SPECC1: variants seen among roughly 807,000 people sequenced by gnomAD.
SPECC1 encodes sperm antigen with calponin homology and coiled-coil domains 1, also known as cytospin-B.
In SPECC1, 62 loss-of-function variants were observed where a neutral mutation model predicts 104.1. The observed-to-expected ratio is 0.60, with a 90% confidence interval of 0.49 to 0.74. The LOEUF (loss-of-function observed/expected upper bound fraction) is 0.74. SPECC1 is among the 30% of genes least tolerant of loss of function. The pLI is 0.00. For missense variants in SPECC1, 1,306 were observed against 1,310.5 expected (o/e 1.00, Z 0.05); for synonymous variants, 513 against 501.6 (o/e 1.02, Z -0.30).
In SPECC1 at chr17:20,141,666, C is replaced by T. The variant is rs572288691; in HGVS notation, c.283+31104C>T. The stretch of plus-strand genomic sequence containing the variant: ...ACCGCAGATGAGTTTTAAGATATTC[C>T]TGTCACTCCAGAAATACCCCATGCT... On this transcript the variant is annotated intron_variant, in intron 3 of 14. Transcript: ENST00000395527. Among the ~76,000 whole-genome samples, 4 of 152,210 alleles carry T rather than the reference C, an allele frequency of 2.6e-5. No individual in the cohort carries two copies. In the South Asian group the frequency reaches 8.3e-4, roughly 32 times the overall value.
At chr17:20,191,650 C>A (rs574451430) in intron 3 of SPECC1, among the ~76,000 whole-genome samples, 2 of 152,124 alleles carry the variant, frequency 1.3e-5, no homozygotes, top group South Asian at 4.2e-4. Context: ...CTTCCCTAGC[C>A]CCCCCACCCA....
At chr17:20,231,963 T>C in intron 6 of SPECC1, 132 bp downstream of exon 6, 5 of 1,021,358 alleles carry the variant, frequency 4.9e-6, no homozygotes, top group Non-Finnish European at 7.3e-6. Flanking sequence ...CTGTAAATTC[T>C]TGTTGGCAGG....
intron 1 of SPECC1, among the ~76,000 whole-genome samples, chr17:20,079,908 C>G (rs1392192133): frequency 6.6e-6 from 1 of 152,164 alleles, no homozygotes; most frequent in Non-Finnish European, 1.5e-5. Context: ...CTGAGGAGAG[C>G]CTGCATCGCT....
Position 20,086,698 on chromosome 17 carries a change from C to T in SPECC1, c.-21-9933C>T, listed in dbSNP as rs148151819. 1.6e-3 allele frequency among the ~76,000 whole-genome samples: 243 copies of T among 152,224 alleles called. 2 individuals carry two copies. Among genetic ancestry groups the T allele is most frequent in the African/African-American group, 5.5e-3 (229 of 41,548 alleles). On this transcript the variant is annotated intron_variant, in intron 1 of 14. Coordinates refer to ENST00000395527, the MANE Select transcript of SPECC1 (RefSeq NM_001243439.2). ...AGGGGCAGTGGACGTGGTGAGGGGC[C>T]AGACCTCTCCATCCATGGGTGGGGG...
In SPECC1 at chr17:20,257,490, C is replaced by T. The variant is rs2039874362; in HGVS notation, c.2720C>T (p.Pro907Leu). Residue 907 changes from proline to leucine, a missense_variant, in exon 11 of 15, where the codon CCC (proline) becomes CTC (leucine). Pro to Leu is a moderately conservative substitution (Grantham distance 98). Coordinates refer to ENST00000395527, the MANE Select transcript of SPECC1 (RefSeq NM_001243439.2). ...KGRTETLKPD[P>L]HLRKSPSLES... ...AGGACTGAGACCCTGAAGCCAGACC[C>T]CCACCTCCGCAAGAGTCCCTCACTA... The T allele has an allele frequency of 1.2e-6, 2 of 1,605,956 alleles. No individual in the cohort carries two copies. The highest frequency in any genetic ancestry group is 1.7e-5 in the Admixed American group (1 of 57,254).
At chr17:20,237,208 G>A in intron 7 of SPECC1, 1 of 1,271,530 alleles carries the variant, frequency 7.9e-7, no homozygotes, top group Non-Finnish European at 1.0e-6. Flanking sequence ...GTTATTTGCA[G>A]CTGGAGTGCT....
intron 3 of SPECC1, chr17:20,112,213 A>C: frequency 1.3e-6 from 1 of 764,088 alleles, no homozygotes; most frequent in Non-Finnish European, 2.4e-6. Flanking sequence ...AATAAGCAAG[A>C]TCACAGAGGA....
At chr17:20,306,558 T>A (rs2041771510) in intron 14 of SPECC1, among the ~76,000 whole-genome samples, 1 of 152,254 alleles carries the variant, frequency 6.6e-6, no homozygotes, top group Admixed American at 6.5e-5. Context: ...CACAACATGC[T>A]GATCTTCTTA....
intron 13 of SPECC1, among the ~76,000 whole-genome samples, chr17:20,298,948 A>T (rs373836998): frequency 0.1 from 4,993 of 49,382 alleles, 566 homozygotes; most frequent in African/African-American, 0.14. Context: ...AGAGAGAGAG[A>T]GTGTGTGTGT....
intron 9 of SPECC1, among the ~76,000 whole-genome samples, chr17:20,249,989 C>G (rs915678596): frequency 6.6e-6 from 1 of 151,876 alleles, no homozygotes; most frequent in Non-Finnish European, 1.5e-5. Context: ...AGAAAACCAC[C>G]CAGACACATG....
chr17:20,170,183 G>C (rs980146303), intron 3 of SPECC1, among the ~76,000 whole-genome samples: 17 of 152,200 alleles, frequency 1.1e-4, no homozygotes, highest in Non-Finnish European at 2.2e-4. Flanking sequence ...CATGGACATT[G>C]TGCTGCAGTT....
chr17:20,298,330 CA>C (rs983256288), intron 13 of SPECC1, among the ~76,000 whole-genome samples: 31 of 139,516 alleles, frequency 2.2e-4, no homozygotes, highest in East Asian at 4.1e-4. Context: ...CAAGACTCCT[CA>C]AAAAAAAAAA....
intron 3 of SPECC1, among the ~76,000 whole-genome samples, chr17:20,138,511 G>A (rs774824347): frequency 1.3e-5 from 2 of 152,068 alleles, no homozygotes; most frequent in Non-Finnish European, 2.9e-5. Flanking sequence ...AAAATCCTCT[G>A]TGCTCTGCCC....
At chr17:20,088,425 C>T (rs751025834) in intron 1 of SPECC1, among the ~76,000 whole-genome samples, 4 of 151,992 alleles carry the variant, frequency 2.6e-5, no homozygotes, top group Non-Finnish European at 5.9e-5. Context: ...CTGCAGCACC[C>T]GGGTGAGAGG....
At chr17:20,118,072 T>C (rs1327122313) in intron 3 of SPECC1, among the ~76,000 whole-genome samples, 1 of 151,788 alleles carries the variant, frequency 6.6e-6, no homozygotes, top group Non-Finnish European at 1.5e-5. Flanking sequence ...GCCACTGCAC[T>C]CCGGCCTGGG....
At position 20,287,019 on chromosome 17, in the gene SPECC1, C is replaced by T. The variant is rs537015618; in HGVS notation, c.2941-9942C>T. Among the ~76,000 whole-genome samples the T allele has an allele frequency of 1.1e-4, 16 of 152,370 alleles. No individual in the cohort carries two copies. The South Asian group carries it at 3.1e-3, about 30-fold the overall frequency. Reference sequence around the variant, plus strand: ...TTGCACTCCTTAGGCCATCGGCTGCCGTCAGCAGCCTCCCCTGCCTCCCCT... The same window carrying T: ...TTGCACTCCTTAGGCCATCGGCTGCTGTCAGCAGCCTCCCCTGCCTCCCCT... On this transcript the variant is annotated intron_variant, in intron 12 of 14. Transcript: ENST00000395527.
intron 12 of SPECC1, among the ~76,000 whole-genome samples, chr17:20,296,504 G>C (rs1206641332): frequency 6.6e-6 from 1 of 152,156 alleles, no homozygotes; most frequent in Non-Finnish European, 1.5e-5. Flanking sequence ...GGCAATGCAG[G>C]CTCATTTTTG....
chr17:20,130,047 C>A (rs564271805), intron 3 of SPECC1, among the ~76,000 whole-genome samples: 1 of 152,080 alleles, frequency 6.6e-6, no homozygotes, highest in Non-Finnish European at 1.5e-5. Context: ...AGCCACTGCG[C>A]CCAGCTGCCT....
intron 3 of SPECC1, among the ~76,000 whole-genome samples, chr17:20,138,932 T>G (rs1255712779): frequency 1.3e-5 from 2 of 152,218 alleles, no homozygotes; most frequent in Non-Finnish European, 2.9e-5. Flanking sequence ...TTTCCATTTT[T>G]GGCTCCAACT....
Sources: allele counts gnomAD v4.1 joint callset (sites outside exome capture counted in the v4.1 genomes callset), GRCh38; gene constraint gnomAD v4.1.1; transcripts MANE v1.5; gene names NCBI Gene and HGNC (gene_info 2026-07-23, HGNC 2026-07-21).